ATP8A2: variants seen among roughly 807,000 people sequenced by gnomAD.
The protein encoded by ATP8A2 is ATPase phospholipid transporting 8A2.
In ATP8A2, 100 loss-of-function variants were observed where a neutral mutation model predicts 165.6. That is an observed-to-expected ratio of 0.60 (90% CI 0.51 to 0.71). The LOEUF is 0.71. Among genes scored for constraint, ATP8A2 ranks in the 30% least tolerant of loss-of-function variants. The pLI, the probability that ATP8A2 is intolerant of heterozygous loss-of-function variation, is 0.00. For synonymous variants in ATP8A2, 543 were observed against 548.8 expected, an observed-to-expected ratio of 0.99 and a Z score of 0.15; for missense variants, 1,227 against 1,479.5, an observed-to-expected ratio of 0.83 and a Z score of 2.80.
chr13:25,550,894 G>A (rs1344534224), intron 10 of ATP8A2, among the ~76,000 whole-genome samples: 3 of 152,170 alleles, frequency 2.0e-5, no homozygotes, highest in Non-Finnish European at 4.4e-5. Flanking sequence ...ATGTGCTTTA[G>A]AAATATCTCT....
chr13:25,633,047 T>C (rs903230071), intron 24 of ATP8A2, among the ~76,000 whole-genome samples: 7 of 152,226 alleles, frequency 4.6e-5, no homozygotes, highest in Non-Finnish European at 1.5e-5. Flanking sequence ...TAAGAATGTT[T>C]GATTCTCAAA....
At chr13:25,785,290 C>T (rs1416053769) in intron 27 of ATP8A2, among the ~76,000 whole-genome samples, 1 of 151,752 alleles carries the variant, frequency 6.6e-6, no homozygotes, top group Non-Finnish European at 1.5e-5. Context: ...ATCTCAGCTA[C>T]TCGGGAGGCT....
rs7318435 is a variant in ATP8A2 at position 25,691,123 on chromosome 13, A to G, written c.2212-8050A>G. Among the ~76,000 whole-genome samples, 499 of 152,364 alleles carry G rather than the reference A, an allele frequency of 3.3e-3. 2 individuals carry two copies. The highest frequency in any genetic ancestry group is 0.011 in the African/African-American group (473 of 41,588). ...GACTGCAAACTATGATTCTGTTTAT[A>G]TAACATTCTAGAAGAGGCCAAACTG... On this transcript the variant is annotated intron_variant, in intron 24 of 36. Transcript: ENST00000381655.
intron 24 of ATP8A2, among the ~76,000 whole-genome samples, chr13:25,673,076 G>A (rs1246193189): frequency 1.3e-5 from 2 of 152,182 alleles, no homozygotes; most frequent in African/African-American, 4.8e-5. Context: ...AACATGAATA[G>A]TGTATTAGAT....
intron 27 of ATP8A2, among the ~76,000 whole-genome samples, chr13:25,816,676 A>C (rs1182354227): frequency 6.6e-6 from 1 of 152,232 alleles, no homozygotes; most frequent in Non-Finnish European, 1.5e-5. Flanking sequence ...AACTTGAAGC[A>C]GGGCCTTAGT....
At chr13:25,494,569 G>A (rs1241977668) in intron 2 of ATP8A2, among the ~76,000 whole-genome samples, 1 of 152,144 alleles carries the variant, frequency 6.6e-6, no homozygotes, top group Non-Finnish European at 1.5e-5. Context: ...TTGCCTGCTT[G>A]TTTGTTTTTA....
At chr13:25,731,484 G>T (rs986273952) in intron 25 of ATP8A2, among the ~76,000 whole-genome samples, 1 of 152,054 alleles carries the variant, frequency 6.6e-6, no homozygotes, top group African/African-American at 2.4e-5. Context: ...TCTCGTGCCT[G>T]CTATTTTTTC....
chr13:25,983,530 G>T (rs1018576706), intron 35 of ATP8A2, among the ~76,000 whole-genome samples: 7 of 152,174 alleles, frequency 4.6e-5, no homozygotes, highest in African/African-American at 9.7e-5. Context: ...ATATCCTGTT[G>T]TAGAGAATTA....
intron 30 of ATP8A2, among the ~76,000 whole-genome samples, chr13:25,848,322 G>T (rs374509348): frequency 4.8e-4 from 73 of 152,348 alleles, no homozygotes; most frequent in East Asian, 2.9e-3. Context: ...GGTTTGCAGG[G>T]CAAGGATCAT....
At chr13:25,962,169 C>T (rs1436049138) in intron 34 of ATP8A2, among the ~76,000 whole-genome samples, 4 of 152,134 alleles carry the variant, frequency 2.6e-5, no homozygotes, top group African/African-American at 9.7e-5. Flanking sequence ...GAAAGTATAA[C>T]TCAAAACTCA....
intron 4 of ATP8A2, among the ~76,000 whole-genome samples, chr13:25,531,362 TG>T (rs1465668337): frequency 3.0e-5 from 4 of 134,508 alleles, no homozygotes; most frequent in African/African-American, 9.0e-5. Flanking sequence ...ATGTTATATA[TG>T]ATATATATAT....
chr13:25,533,768 C>T (rs1483951951), intron 6 of ATP8A2, among the ~76,000 whole-genome samples: 1 of 152,144 alleles, frequency 6.6e-6, no homozygotes, highest in Non-Finnish European at 1.5e-5. Context: ...GCAAGGAAAG[C>T]TTTGCTTCCA....
chr13:26,011,653 A>T (rs1444070496), intron 35 of ATP8A2, among the ~76,000 whole-genome samples: 1 of 152,152 alleles, frequency 6.6e-6, no homozygotes, highest in Non-Finnish European at 1.5e-5. Context: ...AAATAAACAG[A>T]CTGGGCATGG....
At chr13:25,942,759 G>A (rs577423391) in intron 33 of ATP8A2, among the ~76,000 whole-genome samples, 2 of 152,136 alleles carry the variant, frequency 1.3e-5, no homozygotes, top group African/African-American at 2.4e-5. Flanking sequence ...TCTGCTGTTT[G>A]TATGTTCTCT....
At chr13:25,789,117 A>G (rs1183678910) in intron 27 of ATP8A2, among the ~76,000 whole-genome samples, 2 of 152,228 alleles carry the variant, frequency 1.3e-5, no homozygotes, top group African/African-American at 2.4e-5. Flanking sequence ...ATAGATATAT[A>G]GATCTTTTAA....
intron 33 of ATP8A2, among the ~76,000 whole-genome samples, chr13:25,939,524 C>T (rs1033697577): frequency 1.1e-4 from 16 of 152,114 alleles, no homozygotes; most frequent in African/African-American, 2.7e-4. Flanking sequence ...CACAGCAATG[C>T]GGTGGTTTGC....
intron 33 of ATP8A2, among the ~76,000 whole-genome samples, chr13:25,886,869 A>T (rs1484856719): frequency 1.3e-5 from 2 of 152,272 alleles, no homozygotes; most frequent in South Asian, 2.1e-4. Context: ...TTTACATGGT[A>T]TTGCTGGTTG....
intron 16 of ATP8A2, chr13:25,567,088 C>T: frequency 3.6e-6 from 1 of 274,332 alleles, no homozygotes; most frequent in Non-Finnish European, 7.2e-6. Flanking sequence ...TCTCTGGGGA[C>T]CCCCTACATG....
At chr13:25,727,873 C>G (rs2138067892) in intron 25 of ATP8A2, among the ~76,000 whole-genome samples, 1 of 152,220 alleles carries the variant, frequency 6.6e-6, no homozygotes, top group East Asian at 1.9e-4. Context: ...GGAAAACGAC[C>G]CCAGATGAAA....
Sources: gnomAD v4.1 joint callset for allele counts (sites outside exome capture counted in the v4.1 genomes callset) on GRCh38, gnomAD v4.1.1 for gene constraint, MANE v1.5 for transcripts, NCBI Gene and HGNC (gene_info 2026-07-23, HGNC 2026-07-21) for gene names.